Variants in ADGRL3 observed in about 807,000 individuals in gnomAD.
The protein encoded by ADGRL3 is adhesion G protein-coupled receptor L3, also known as calcium-independent alpha-latrotoxin receptor 3.
A neutral mutation model predicts 153.5 loss-of-function variants in ADGRL3; 62 were observed. That is an observed-to-expected ratio of 0.40 (90% CI 0.33 to 0.50). The LOEUF (loss-of-function observed/expected upper bound fraction) is 0.50. Among genes scored for constraint, ADGRL3 ranks in the 20% least tolerant of loss-of-function variants. The pLI is 0.47. For missense variants in ADGRL3, 1,641 were observed against 1,859.4 expected, an observed-to-expected ratio of 0.88 and a Z score of 2.16; for synonymous variants, 710 against 672.5, an observed-to-expected ratio of 1.06 and a Z score of -0.86.
intron 2 of ADGRL3, among the ~76,000 whole-genome samples, chr4:61,441,840 G>C (rs778304573): frequency 2.0e-5 from 3 of 152,014 alleles, no homozygotes; most frequent in Non-Finnish European, 4.4e-5. Context: ...AATATGGTTC[G>C]AGATGATGTT....
chr4:61,978,195 T>C (rs2099054678), intron 17 of ADGRL3, among the ~76,000 whole-genome samples: 1 of 152,174 alleles, frequency 6.6e-6, no homozygotes, highest in South Asian at 2.1e-4. Context: ...CTCCTTCTTG[T>C]CAACTCAAAA....
Position 61,598,449 on chromosome 4 carries a change from T to C in ADGRL3, c.473+11009T>C, listed in dbSNP as rs116458826. On this transcript the variant is annotated intron_variant, in intron 5 of 26. Transcript: ENST00000683033. ...ATAGCTGTAATTCATTATAAAATAA[T>C]ATCAGCAACAAACAACAAAAAGAAG... Among the ~76,000 whole-genome samples, 586 of 152,316 alleles carry C rather than the reference T, an allele frequency of 3.8e-3. 3 individuals are homozygous for C. The highest frequency in any genetic ancestry group is 0.013 in the African/African-American group (555 of 41,584).
chr4:61,234,913 C>T (rs867307823), intron 1 of ADGRL3, among the ~76,000 whole-genome samples: 1 of 152,090 alleles, frequency 6.6e-6, no homozygotes, highest in Non-Finnish European at 1.5e-5. Flanking sequence ...TTTTTGTTTA[C>T]TGCCTTGCTC....
At chr4:61,731,979 C>T (rs960715668) in intron 7 of ADGRL3, among the ~76,000 whole-genome samples, 8 of 152,096 alleles carry the variant, frequency 5.3e-5, no homozygotes, top group African/African-American at 1.7e-4. Context: ...GGTTTTAATG[C>T]TCTTCTCATG....
At chr4:61,376,710 T>G (rs2096607263) in intron 1 of ADGRL3, among the ~76,000 whole-genome samples, 1 of 152,170 alleles carries the variant, frequency 6.6e-6, no homozygotes, top group South Asian at 2.1e-4. Context: ...CTTCTTATTT[T>G]CCTGTCTACA....
chr4:61,236,014 T>TTC lies in ADGRL3; in HGVS notation c.-240+34250_-240+34251insCT, dbSNP rs554414417. On this transcript the variant is annotated intron_variant, in intron 1 of 26. Coordinates refer to ENST00000683033, the MANE Select transcript of ADGRL3 (RefSeq NM_001387552.1). ...TCAGTGTTTCTTTTCTTTTCTTTTT[T>TTC]TTTTTTTTTTTTTGAGATTGAGTTG... 1.1e-3 allele frequency among the ~76,000 whole-genome samples: 155 copies of TTC among 140,688 alleles called. 1 individual carries two copies. Among genetic ancestry groups the TTC allele is most frequent in the Middle Eastern group, 3.6e-3 (1 of 280 alleles). The allele number at this position is 140,688 out of a possible 152,430, so 92.3% of individuals were successfully genotyped here. A position where few individuals can be genotyped will look rare whatever the true frequency, so the allele number is the denominator to read the frequency against.
intron 24 of ADGRL3, among the ~76,000 whole-genome samples, chr4:62,040,887 T>C (rs1727906761): frequency 6.6e-6 from 1 of 152,044 alleles, no homozygotes; most frequent in Non-Finnish European, 1.5e-5. Flanking sequence ...TACAAGATTC[T>C]AAATGAAAGG....
chr4:62,078,275 T>C lies in ADGRL3; in HGVS notation c.*7367T>C, dbSNP rs1225410964. The C allele has an allele frequency of 6.6e-6, 1 of 151,904 alleles. No individual in the cohort carries two copies. The highest frequency in any genetic ancestry group is 1.5e-5 in the Non-Finnish European group (1 of 67,868). The allele number at this position is 151,904 out of a possible 1,614,324, so 9.4% of individuals were successfully genotyped here. On this transcript the variant is annotated 3_prime_UTR_variant, in exon 27 of 27. Transcript: ENST00000683033. Reference sequence around the variant, plus strand: ...ATCCTTTTTTTTTCCTTAAATGCTCTGTACAATCACATGTAAAGTCATGAG... The same window carrying C: ...ATCCTTTTTTTTTCCTTAAATGCTCCGTACAATCACATGTAAAGTCATGAG...
intron 2 of ADGRL3, 22 bp from the exon 3 acceptor site, chr4:61,497,099 C>CTT: frequency 5.4e-5 from 27 of 499,694 alleles, no homozygotes; most frequent in South Asian, 2.4e-4. Context: ...TACAATAACC[C>CTT]TTTTTTTTTT....
At chr4:61,358,310 C>A (rs2096215324) in intron 1 of ADGRL3, among the ~76,000 whole-genome samples, 1 of 152,060 alleles carries the variant, frequency 6.6e-6, no homozygotes, top group South Asian at 2.1e-4. Context: ...TGAAAGCAGA[C>A]CATTGGGCCG....
chr4:61,301,639 C>A (rs1039942272), intron 1 of ADGRL3, among the ~76,000 whole-genome samples: 2 of 152,142 alleles, frequency 1.3e-5, no homozygotes, highest in South Asian at 4.1e-4. Flanking sequence ...ATTTCTCTTT[C>A]CCCCAAAAGG....
chr4:61,600,751 C>T (rs999082361), intron 5 of ADGRL3, among the ~76,000 whole-genome samples: 1 of 151,972 alleles, frequency 6.6e-6, no homozygotes, highest in Admixed American at 6.6e-5. Context: ...CTATGTAAGT[C>T]AAAATAGAAG....
intron 5 of ADGRL3, among the ~76,000 whole-genome samples, chr4:61,655,298 A>C (rs2094410799): frequency 6.6e-6 from 1 of 152,176 alleles, no homozygotes; most frequent in Non-Finnish European, 1.5e-5. Context: ...CTAATTTCTA[A>C]GAGAATATTT....
rs190231936 is a variant in ADGRL3 at position 61,298,639 on chromosome 4, G to A, written c.-239-84485G>A. ...TCAATTCATTCAGCCAAATAATGAC[G>A]ATCAGGACAACCATTTCTACATTAA... On this transcript the variant is annotated intron_variant, in intron 1 of 26. Transcript: ENST00000683033. 2.8e-4 allele frequency among the ~76,000 whole-genome samples: 42 copies of A among 152,156 alleles called. 1 individual carries two copies. The South Asian group carries it at 5.4e-3, about 20-fold the overall frequency.
At chr4:61,364,345 AATAAT>A (rs1384165892) in intron 1 of ADGRL3, among the ~76,000 whole-genome samples, 10 of 140,320 alleles carry the variant, frequency 7.1e-5, no homozygotes, top group African/African-American at 2.6e-4. Context: ...AAAAAAAAAA[AATAAT>A]AATAATAATA....
At chr4:61,410,685 A>T (rs745770721) in intron 2 of ADGRL3, among the ~76,000 whole-genome samples, 67 of 152,300 alleles carry the variant, frequency 4.4e-4, no homozygotes, top group African/African-American at 1.5e-3. Context: ...GTGCCTGGAC[A>T]TACTCAGTAT....
intron 5 of ADGRL3, among the ~76,000 whole-genome samples, chr4:61,634,336 G>T (rs2093322679): frequency 6.6e-6 from 1 of 152,122 alleles, no homozygotes; most frequent in Non-Finnish European, 1.5e-5. Flanking sequence ...TCCATACAAA[G>T]TCAGAGTACC....
intron 2 of ADGRL3, among the ~76,000 whole-genome samples, chr4:61,426,023 C>T (rs1406504517): frequency 6.6e-6 from 1 of 151,956 alleles, no homozygotes; most frequent in East Asian, 1.9e-4. Flanking sequence ...GTAGAAGTGC[C>T]CCACTGGGGC....
intron 2 of ADGRL3, among the ~76,000 whole-genome samples, chr4:61,493,820 T>C (rs1412253008): frequency 2.0e-5 from 3 of 152,250 alleles, no homozygotes; most frequent in African/African-American, 7.2e-5. Flanking sequence ...CTAATTATTT[T>C]CATCCATTTT....
Sources: allele counts gnomAD v4.1 joint callset (sites outside exome capture counted in the v4.1 genomes callset), GRCh38; gene constraint gnomAD v4.1.1; transcripts MANE v1.5; gene names NCBI Gene and HGNC (gene_info 2026-07-23, HGNC 2026-07-21).